SYCP1: variants seen among roughly 807,000 people sequenced by gnomAD.
The protein encoded by SYCP1 is cancer/testis antigen 8.
SYCP1 carries 64 observed loss-of-function variants against 153.1 expected under a neutral mutation model. The ratio of observed to expected loss-of-function variants is 0.42; its 90% CI spans 0.34 to 0.51. The LOEUF is 0.51. SYCP1 is among the 20% of genes least tolerant of loss of function. The pLI is 0.06. For synonymous variants in SYCP1, 384 were observed against 341.8 expected (o/e 1.12, Z -1.36); for missense variants, 997 against 1,049.0 (o/e 0.95, Z 0.68).
At chr1:114,946,077 C>T (rs1450650417) in intron 25 of SYCP1, among the ~76,000 whole-genome samples, 1 of 151,822 alleles carries the variant, frequency 6.6e-6, no homozygotes, top group South Asian at 2.1e-4. Context: ...TTGTGTGTTT[C>T]ACTATTGAGG....
chr1:114,951,013 A>G (rs962470498), intron 27 of SYCP1, among the ~76,000 whole-genome samples: 1 of 151,888 alleles, frequency 6.6e-6, no homozygotes, highest in Non-Finnish European at 1.5e-5. Context: ...TTTAGTAGAG[A>G]TGGGGTTTCA....
intron 27 of SYCP1, among the ~76,000 whole-genome samples, chr1:114,961,349 T>G (rs1444761756): frequency 6.6e-6 from 1 of 152,226 alleles, no homozygotes; most frequent in Non-Finnish European, 1.5e-5. Flanking sequence ...TTAGTTATGC[T>G]CTGATCTTTG....
At chr1:114,875,559 G>T (rs182688042) in intron 9 of SYCP1, among the ~76,000 whole-genome samples, 8 of 152,030 alleles carry the variant, frequency 5.3e-5, no homozygotes, top group Non-Finnish European at 1.0e-4. Context: ...GCGCCCGGCC[G>T]AGACTTTGTC....
At chr1:114,991,949 C>T (rs1673955575) in intron 30 of SYCP1, among the ~76,000 whole-genome samples, 4 of 151,826 alleles carry the variant, frequency 2.6e-5, no homozygotes, top group Middle Eastern at 6.8e-3. Flanking sequence ...ATAAATTCAG[C>T]AAAGTTGTAG....
chr1:114,875,423 C>A (rs1199536091), intron 9 of SYCP1, among the ~76,000 whole-genome samples: 1 of 151,964 alleles, frequency 6.6e-6, no homozygotes, highest in East Asian at 1.9e-4. Flanking sequence ...CTACGCCCGG[C>A]TGATTTTTTG....
At chr1:114,879,441 C>T (rs372979699) in intron 12 of SYCP1, among the ~76,000 whole-genome samples, 4 of 152,130 alleles carry the variant, frequency 2.6e-5, no homozygotes, top group African/African-American at 9.7e-5. Context: ...CAATCCCACC[C>T]CATGCTTTTG....
chr1:114,947,854 CT>C (rs1185419809), intron 27 of SYCP1, among the ~76,000 whole-genome samples: 2 of 141,996 alleles, frequency 1.4e-5, no homozygotes, highest in Non-Finnish European at 3.1e-5. Flanking sequence ...AAAAGGAACC[CT>C]TTTTTTTCTG....
intron 23 of SYCP1, among the ~76,000 whole-genome samples, chr1:114,937,938 C>T (rs1670129671): frequency 6.6e-6 from 1 of 152,150 alleles, no homozygotes; most frequent in Admixed American, 6.5e-5. Flanking sequence ...AACACTTTTA[C>T]ACTGTTGGTG....
Position 114,969,451 on chromosome 1 carries a change from C to T in SYCP1, c.2323-8106C>T, listed in dbSNP as rs570950947. The stretch of plus-strand genomic sequence containing the variant: ...TTTGTTTACACTGTGAAGGGAAAAC[C>T]GCCTACTGAAGCCTCAGTAATGGTG... On this transcript the variant is annotated intron_variant, in intron 27 of 31. Coordinates refer to ENST00000369522, the MANE Select transcript of SYCP1 (RefSeq NM_003176.4). 2.1e-3 allele frequency among the ~76,000 whole-genome samples: 316 copies of T among 152,224 alleles called. 6 individuals are homozygous for T. The South Asian group carries it at 0.024, about 12-fold the overall frequency.
intron 15 of SYCP1, among the ~76,000 whole-genome samples, chr1:114,888,727 T>G (rs1202016079): frequency 6.6e-6 from 1 of 152,154 alleles, no homozygotes; most frequent in Non-Finnish European, 1.5e-5. Context: ...TATTATACTT[T>G]AAGTTCTAGG....
rs76412105 is a variant in SYCP1 at position 114,939,370 on chromosome 1, C to A, written c.1927-4969C>A. Among the ~76,000 whole-genome samples, 26 of 152,056 alleles carry A rather than the reference C, an allele frequency of 1.7e-4. No homozygotes were observed. The East Asian group carries it at 4.4e-3, about 26-fold the overall frequency. ...AGAATATTCATGGTGGCTTTATCCACAATGATAAAAAATGGAAACACATAA... is the reference window on the plus strand; with the variant it reads ...AGAATATTCATGGTGGCTTTATCCAAAATGATAAAAAATGGAAACACATAA... On this transcript the variant is annotated intron_variant, in intron 23 of 31. Coordinates refer to ENST00000369522, the MANE Select transcript of SYCP1 (RefSeq NM_003176.4).
intron 28 of SYCP1, among the ~76,000 whole-genome samples, chr1:114,981,027 A>G (rs1673117173): frequency 1.3e-5 from 2 of 151,886 alleles, no homozygotes; most frequent in Admixed American, 6.6e-5. Flanking sequence ...AAATGAGTCC[A>G]TGTGGTATTT....
At chr1:114,885,767 A>G (rs1338044080) in intron 13 of SYCP1, 138 bp downstream of exon 13, 2 of 560,506 alleles carry the variant, frequency 3.6e-6, no homozygotes, top group East Asian at 6.6e-5. Flanking sequence ...AGTCTGCAAA[A>G]TGCTATAGTT....
intron 27 of SYCP1, among the ~76,000 whole-genome samples, chr1:114,969,043 C>T (rs1336990329): frequency 6.6e-6 from 1 of 152,182 alleles, no homozygotes; most frequent in African/African-American, 2.4e-5. Flanking sequence ...CCTGCTCCTT[C>T]CTCTGGAAGC....
intron 9 of SYCP1, 118 bp from the exon 10 acceptor site, chr1:114,875,951 C>A: frequency 1.6e-6 from 1 of 610,194 alleles, no homozygotes; most frequent in Non-Finnish European, 2.7e-6. Flanking sequence ...TTTAGTTATT[C>A]CAAATTGTGT....
chr1:114,921,244 A>G (rs2101716831), intron 20 of SYCP1, among the ~76,000 whole-genome samples: 1 of 152,298 alleles, frequency 6.6e-6, no homozygotes, highest in African/African-American at 2.4e-5. Flanking sequence ...AAGCAAATAA[A>G]CAAAGAGAAA....
At chr1:114,907,284 A>G (rs934764439) in intron 16 of SYCP1, among the ~76,000 whole-genome samples, 1 of 152,146 alleles carries the variant, frequency 6.6e-6, no homozygotes, top group Admixed American at 6.5e-5. Flanking sequence ...TGCTAATTGG[A>G]GAATTTAGAC....
chr1:114,876,540 T>C (rs1665548430), intron 10 of SYCP1, among the ~76,000 whole-genome samples, 197 bp from the exon 11 acceptor site: 3 of 151,544 alleles, frequency 2.0e-5, no homozygotes, highest in Non-Finnish European at 3.0e-5. Flanking sequence ...TAGGTTATTA[T>C]AACTGATATT....
At chr1:114,931,440 A>G (rs146331646) in intron 23 of SYCP1, among the ~76,000 whole-genome samples, 150 of 152,260 alleles carry the variant, frequency 9.9e-4, no homozygotes, top group African/African-American at 3.5e-3. Flanking sequence ...ATATGCTAAC[A>G]GCTAGTAATT....
Sources: allele counts gnomAD v4.1 joint callset (sites outside exome capture counted in the v4.1 genomes callset), GRCh38; gene constraint gnomAD v4.1.1; transcripts MANE v1.5; gene names NCBI Gene and HGNC (gene_info 2026-07-23, HGNC 2026-07-21).